MORN4: variants seen among roughly 807,000 people sequenced by gnomAD.
The protein encoded by MORN4 is MORN repeat-containing protein 4.
Under a neutral mutation model 16.4 loss-of-function variants are expected in MORN4, and 8 were observed. The ratio of observed to expected loss-of-function variants is 0.49; its 90% CI spans 0.29 to 0.88. The LOEUF (loss-of-function observed/expected upper bound fraction) is 0.88, where lower values mean the gene tolerates loss of function less well. Ranked by LOEUF, MORN4 falls within the 40% of genes least tolerant of loss-of-function variation. MORN4 has a pLI of 0.09. For missense variants in MORN4, 159 were observed against 182.9 expected (o/e 0.87, Z 0.75); for synonymous variants, 53 against 68.9 (o/e 0.77, Z 1.14).
At chr10:97,624,982 C>T (rs940058987) in intron 1 of MORN4, among the ~76,000 whole-genome samples, 11 of 152,134 alleles carry the variant, frequency 7.2e-5, no homozygotes, top group East Asian at 1.9e-4. Context: ...CGTGAGTCAC[C>T]GCACACGGCA....
At chr10:97,616,489 T>C (rs2041237502) in intron 4 of MORN4, 78 bp from the exon 5 acceptor site, 1 of 1,487,744 alleles carries the variant, frequency 6.7e-7, no homozygotes, top group Non-Finnish European at 9.1e-7. Context: ...TTGGCCTTGA[T>C]ATGTCCAGGC....
At chr10:97,623,268 C>A (rs1226587348) in intron 1 of MORN4, among the ~76,000 whole-genome samples, 1 of 152,122 alleles carries the variant, frequency 6.6e-6, no homozygotes, top group Non-Finnish European at 1.5e-5. Flanking sequence ...GTTCTCTGAA[C>A]TATAAATCAC....
chr10:97,623,418 T>C (rs1339409418), intron 1 of MORN4, among the ~76,000 whole-genome samples: 2 of 151,922 alleles, frequency 1.3e-5, no homozygotes, highest in Non-Finnish European at 2.9e-5. Context: ...ACAGCCTGGG[T>C]GACAGAGCGA....
At chr10:97,631,809 C>A (rs923907718) in intron 1 of MORN4, among the ~76,000 whole-genome samples, 1 of 152,116 alleles carries the variant, frequency 6.6e-6, no homozygotes, top group Admixed American at 6.6e-5. Flanking sequence ...GTGGTGCATG[C>A]CTGTAGTCCC....
Position 97,621,376 on chromosome 10 carries a change from C to A in MORN4, c.-30-1693G>T, listed in dbSNP as rs75471713. On this transcript the variant is annotated intron_variant, in intron 1 of 4. Coordinates refer to ENST00000307450, the MANE Select transcript of MORN4 (RefSeq NM_178832.4). ...GAGGGAGGAAAAGAGGCGACCTCTG[C>A]GGGTTTGTGAACCAGGATGTAATAT... Among the ~76,000 whole-genome samples the A allele has an allele frequency of 3.9e-3, 588 of 152,176 alleles. 3 individuals carry two copies. The highest frequency in any genetic ancestry group is 0.014 in the African/African-American group (563 of 41,514).
At chr10:97,632,593 T>C (rs534664305) in intron 1 of MORN4, among the ~76,000 whole-genome samples, 1 of 152,058 alleles carries the variant, frequency 6.6e-6, no homozygotes, top group East Asian at 1.9e-4. Flanking sequence ...TCCTCTTTCC[T>C]CATGTGAAAA....
chr10:97,622,899 T>A (rs866859349), intron 1 of MORN4, among the ~76,000 whole-genome samples: 2 of 70,994 alleles, frequency 2.8e-5, no homozygotes, highest in Non-Finnish European at 2.7e-5. Context: ...TTATTTATTT[T>A]TTAGAGACAG....
chr10:97,632,666 T>C (rs146357636), intron 1 of MORN4, among the ~76,000 whole-genome samples: 55 of 152,062 alleles, frequency 3.6e-4, no homozygotes, highest in African/African-American at 1.2e-3. Context: ...GATGGTTAGA[T>C]TGAAGAAAGT....
At position 97,615,544 on chromosome 10, in the gene MORN4, A is replaced by C. The variant is rs1050387491; in HGVS notation, c.*719T>G. Reference sequence around the variant, plus strand: ...GAGACCAGCCTGGCCAATATGGTGAAACCCCGTCTCTACTAAAAAAAAATA... The same window carrying C: ...GAGACCAGCCTGGCCAATATGGTGACACCCCGTCTCTACTAAAAAAAAATA... On this transcript the variant is annotated 3_prime_UTR_variant, in exon 5 of 5. Transcript: ENST00000307450. 3 of 152,034 alleles carry C rather than the reference A, an allele frequency of 2.0e-5. No homozygotes were observed. The highest frequency in any genetic ancestry group is 4.4e-5 in the Non-Finnish European group (3 of 68,002). 9.4% of individuals were successfully genotyped at this position (152,034 alleles called of 1,614,324 possible).
intron 1 of MORN4, among the ~76,000 whole-genome samples, chr10:97,625,121 A>G (rs148633997): frequency 1.8e-3 from 278 of 152,324 alleles, no homozygotes; most frequent in African/African-American, 6.5e-3. Context: ...TAAATTAACT[A>G]AGGTCATACA....
At chr10:97,627,053 G>A (rs1451067811) in intron 1 of MORN4, among the ~76,000 whole-genome samples, 4 of 151,904 alleles carry the variant, frequency 2.6e-5, no homozygotes, top group Non-Finnish European at 2.9e-5. Flanking sequence ...CACTGTGCCC[G>A]GCCTGATTTT....
chr10:97,616,317 G>T lies in MORN4; in HGVS notation c.387C>A (p.Ala129=). Residue 129 remains alanine, a synonymous_variant, in exon 5 of 5, where the codon GCC becomes GCA. Transcript: ENST00000307450. ...AGGCGCTCTGGGCCCGCTGAACAATGGCAGAACACTTCTCACGTCGCAGCA... is the reference window on the plus strand; with the variant it reads ...AGGCGCTCTGGGCCCGCTGAACAATTGCAGAACACTTCTCACGTCGCAGCA... The part of the protein sequence containing the change: ...NKLLRREKCS[A]IVQRAQSASK... The T allele has an allele frequency of 6.2e-7, 1 of 1,613,330 alleles. No individual in the cohort carries two copies. Among genetic ancestry groups the T allele is most frequent in the Non-Finnish European group, 8.5e-7 (1 of 1,179,644 alleles).
Position 97,616,790 on chromosome 10 carries a change from G to A in MORN4, c.183-3C>T. 6.2e-7 allele frequency: 1 copy of A among 1,602,768 alleles called. No homozygotes were observed. Among genetic ancestry groups the A allele is most frequent in the Non-Finnish European group, 8.5e-7 (1 of 1,169,726 alleles). ...CCTGGGCAAACTCCCCCTCATACCT[G>A]CAGAAACACCAAGAAGTTAGCCTTC... On this transcript the variant is annotated splice_region_variant and splice_polypyrimidine_tract_variant and intron_variant, in intron 3 of 4. Coordinates refer to ENST00000307450, the MANE Select transcript of MORN4 (RefSeq NM_178832.4).
At chr10:97,619,379 T>C in intron 2 of MORN4, 2 of 593,924 alleles carry the variant, frequency 3.4e-6, no homozygotes, top group Non-Finnish European at 6.0e-6. Context: ...AAGAAAGATA[T>C]AACTCATTCC....
rs1262578291 is a variant in MORN4 at position 97,617,231 on chromosome 10, T to C, written c.159A>G (p.Val53=). ...FENGLFNGFG[V]LTFSDGSRYE... ...ACCTTGAACCATCTGAGAAGGTCAATACCCCAAAGCCATTAAAGAGCCCAT... is the reference window on the plus strand; with the variant it reads ...ACCTTGAACCATCTGAGAAGGTCAACACCCCAAAGCCATTAAAGAGCCCAT... The change falls in exon 3 of 5, where the codon GTA becomes GTG. Residue 53 remains valine (V), a synonymous_variant. Coordinates refer to ENST00000307450, the MANE Select transcript of MORN4 (RefSeq NM_178832.4). 5 of 1,613,958 alleles carry C rather than the reference T, an allele frequency of 3.1e-6. No individual in the cohort carries two copies. Among genetic ancestry groups the C allele is most frequent in the Non-Finnish European group, 4.2e-6 (5 of 1,179,982 alleles).
intron 1 of MORN4, among the ~76,000 whole-genome samples, chr10:97,620,918 C>G (rs983584843): frequency 6.6e-6 from 1 of 151,988 alleles, no homozygotes; most frequent in South Asian, 2.1e-4. Context: ...GTCAGGAGTT[C>G]GAGACCAGCT....
chr10:97,624,059 G>C lies in MORN4; in HGVS notation c.-30-4376C>G, dbSNP rs181022201. 3.0e-4 allele frequency among the ~76,000 whole-genome samples: 46 copies of C among 152,110 alleles called. No individual in the cohort carries two copies. In the East Asian group the frequency reaches 7.7e-3, roughly 26 times the overall value. On this transcript the variant is annotated intron_variant, in intron 1 of 4. Transcript: ENST00000307450. ...CCGCAAGATGGGATTCTTAAATCTCGGGGGCCTGGCGCCAACAGCTAGCTT... is the reference window on the plus strand; with the variant it reads ...CCGCAAGATGGGATTCTTAAATCTCCGGGGCCTGGCGCCAACAGCTAGCTT...
At chr10:97,626,248 A>G (rs954058619) in intron 1 of MORN4, among the ~76,000 whole-genome samples, 1 of 151,580 alleles carries the variant, frequency 6.6e-6, no homozygotes. Flanking sequence ...GTGGTGGCAC[A>G]TGCCTGTAGT....
intron 1 of MORN4, among the ~76,000 whole-genome samples, chr10:97,631,838 G>T (rs554103435): frequency 1.4e-4 from 21 of 152,282 alleles, no homozygotes; most frequent in African/African-American, 4.6e-4. Flanking sequence ...AGGAGGCTGA[G>T]GTAGGAGGAT....
Sources: allele counts gnomAD v4.1 joint callset (sites outside exome capture counted in the v4.1 genomes callset), GRCh38; gene constraint gnomAD v4.1.1; transcripts MANE v1.5; gene names NCBI Gene and HGNC (gene_info 2026-07-23, HGNC 2026-07-21).